The following ITCH variants were observed in gnomAD, a reference collection of about 807,000 sequenced individuals.
ITCH encodes the protein itchy E3 ubiquitin protein ligase, also known as E3 ubiquitin-protein ligase Itchy homolog.
ITCH carries 28 observed loss-of-function variants against 126.8 expected under a neutral mutation model. The ratio of observed to expected loss-of-function variants is 0.22; its 90% CI spans 0.16 to 0.30. ITCH has a LOEUF of 0.30. ITCH is among the 10% of genes least tolerant of loss of function. The probability of loss-of-function intolerance (pLI) is 1.00; values close to 1 mark genes in which losing one functional copy is unlikely to be tolerated. For missense variants in ITCH, 631 were observed against 1,032.4 expected (o/e 0.61, Z 5.33); for synonymous variants, 342 against 340.0 (o/e 1.01, Z -0.06).
Position 34,413,552 on chromosome 20 carries a change from C to T in ITCH, c.338-190C>T, listed in dbSNP as rs545782990. Among the ~76,000 whole-genome samples, 33 of 152,076 alleles carry T rather than the reference C, an allele frequency of 2.2e-4. No homozygotes were observed. In the South Asian group the frequency reaches 6.9e-3, roughly 32 times the overall value. Reference sequence around the variant, plus strand: ...ATATGAAACATTAGCATATTTTGTCCTTTTTAAAAGATACAGTGTTTTGGT... The same window carrying T: ...ATATGAAACATTAGCATATTTTGTCTTTTTTAAAAGATACAGTGTTTTGGT... On this transcript the variant is annotated intron_variant, in intron 5 of 24. Coordinates refer to ENST00000374864, the MANE Select transcript of ITCH (RefSeq NM_031483.7).
chr20:34,419,143 T>C (rs1363356796), intron 6 of ITCH, among the ~76,000 whole-genome samples: 1 of 152,200 alleles, frequency 6.6e-6, no homozygotes, highest in Non-Finnish European at 1.5e-5. Context: ...ATTGAGGCTA[T>C]GATATGGTCA....
intron 10 of ITCH, among the ~76,000 whole-genome samples, chr20:34,443,109 A>T (rs1462188878): frequency 6.6e-6 from 1 of 152,160 alleles, no homozygotes; most frequent in African/African-American, 2.4e-5. Flanking sequence ...GTCATATATT[A>T]AAATGAAGTT....
intron 10 of ITCH, among the ~76,000 whole-genome samples, chr20:34,443,503 CAA>C (rs757432354): frequency 1.4e-5 from 2 of 138,704 alleles, no homozygotes; most frequent in Admixed American, 7.3e-5. Flanking sequence ...AAGACTCCGT[CAA>C]AAAAAAAAAA....
rs754583869 is a variant in ITCH, at chr20:34,481,195, G to GGAAT, written c.2083_2086dup (p.Tyr696Ter). 1 of 1,613,406 alleles carries GGAAT rather than the reference G, an allele frequency of 6.2e-7. No individual in the cohort carries two copies. Among genetic ancestry groups the GGAAT allele is most frequent in the Admixed American group, 1.7e-5 (1 of 60,010 alleles). ...TTCTTGTAACAGAAGAAAATAAAGA[G>GGAAT]GAATACATCAGGTGAGAGTGCTCCT... On this transcript the variant is annotated frameshift_variant, in exon 20 of 25. Coordinates refer to ENST00000374864, the MANE Select transcript of ITCH (RefSeq NM_031483.7). LOFTEE classifies it high-confidence loss of function.
chr20:34,465,889 T>C (rs1433417346), intron 14 of ITCH, among the ~76,000 whole-genome samples: 2 of 152,086 alleles, frequency 1.3e-5, no homozygotes. Flanking sequence ...GGGTATCTTT[T>C]ATTTATTTAT....
intron 2 of ITCH, among the ~76,000 whole-genome samples, chr20:34,381,325 C>G (rs1039982364): frequency 1.3e-5 from 2 of 151,958 alleles, no homozygotes; most frequent in African/African-American, 4.8e-5. Context: ...TTCTGTTGCC[C>G]AGGCTGGAGT....
intron 2 of ITCH, among the ~76,000 whole-genome samples, chr20:34,384,525 C>T (rs868819665): frequency 1.3e-5 from 2 of 151,650 alleles, no homozygotes; most frequent in South Asian, 2.1e-4. Flanking sequence ...GTGATCCACC[C>T]GCCTCAGCTT....
intron 17 of ITCH, among the ~76,000 whole-genome samples, chr20:34,478,890 A>G (rs186928490): frequency 1.8e-4 from 28 of 152,324 alleles, no homozygotes; most frequent in African/African-American, 3.1e-4. Flanking sequence ...TAAACTAGCA[A>G]TATTAAAGTG....
chr20:34,396,140 T>A (rs2038667089), intron 3 of ITCH, among the ~76,000 whole-genome samples: 1 of 151,736 alleles, frequency 6.6e-6, no homozygotes, highest in Admixed American at 6.6e-5. Flanking sequence ...TTCAAGTGAT[T>A]CTCATGCCTC....
At chr20:34,468,601 G>T (rs1987319276) in intron 14 of ITCH, among the ~76,000 whole-genome samples, 1 of 151,694 alleles carries the variant, frequency 6.6e-6, no homozygotes, top group Non-Finnish European at 1.5e-5. Flanking sequence ...GACCAGCCTG[G>T]CCAACATGGC....
At position 34,383,809 on chromosome 20, in the gene ITCH, A is replaced by T. The variant is rs2038159819; in HGVS notation, c.-21-9982A>T. ...CTCCCAAAGTACCAGGATTACAGGC[A>T]TGAGCCACCAGGACTGGTCTGTAAT... On this transcript the variant is annotated intron_variant, in intron 2 of 24. Coordinates refer to ENST00000374864, the MANE Select transcript of ITCH (RefSeq NM_031483.7). Among the ~76,000 whole-genome samples, 3 of 147,404 alleles carry T rather than the reference A, an allele frequency of 2.0e-5. No homozygotes were observed. In the Admixed American group the frequency reaches 2.0e-4, roughly 10 times the overall value.
intron 16 of ITCH, among the ~76,000 whole-genome samples, chr20:34,474,743 G>C (rs1201023581): frequency 1.3e-5 from 2 of 151,710 alleles, no homozygotes; most frequent in Admixed American, 6.6e-5. Context: ...GGGGCGGCCG[G>C]GCAGAGGCAC....
chr20:34,488,270 T>C (rs954966871), intron 20 of ITCH, among the ~76,000 whole-genome samples: 1 of 152,128 alleles, frequency 6.6e-6, no homozygotes, highest in African/African-American at 2.4e-5. Context: ...TATGAAAACA[T>C]CTTTATTTCA....
At chr20:34,490,499 C>T (rs186701067) in intron 22 of ITCH, among the ~76,000 whole-genome samples, 26 of 152,062 alleles carry the variant, frequency 1.7e-4, no homozygotes, top group Admixed American at 1.4e-3. Context: ...TGAAATTAGC[C>T]GGGCATGGTG....
intron 24 of ITCH, 124 bp from the exon 25 acceptor site, chr20:34,507,571 G>A (rs962544693): frequency 1.1e-5 from 8 of 731,926 alleles, no homozygotes; most frequent in African/African-American, 1.1e-4. Flanking sequence ...TTTCTTGATG[G>A]TATCCTTTGA....
At chr20:34,435,700 A>C (rs1259350389) in intron 7 of ITCH, among the ~76,000 whole-genome samples, 3 of 152,206 alleles carry the variant, frequency 2.0e-5, no homozygotes, top group African/African-American at 7.2e-5. Context: ...AGAGAATAGT[A>C]GTGTAAAAAG....
chr20:34,378,366 C>A (rs1275043074), intron 2 of ITCH, among the ~76,000 whole-genome samples: 1 of 146,386 alleles, frequency 6.8e-6, no homozygotes, highest in Non-Finnish European at 1.5e-5. Context: ...CCCAGATACT[C>A]GGTGGGCTGA....
intron 6 of ITCH, chr20:34,417,050 C>T (rs1356162328): frequency 1.6e-5 from 9 of 568,036 alleles, no homozygotes; most frequent in Non-Finnish European, 2.0e-5. Context: ...GCTAGGATTA[C>T]AGGCATCTGC....
At chr20:34,469,890 A>T (rs1166443846) in intron 14 of ITCH, among the ~76,000 whole-genome samples, 158 bp from the exon 15 acceptor site, 1 of 152,222 alleles carries the variant, frequency 6.6e-6, no homozygotes, top group Admixed American at 6.5e-5. Flanking sequence ...TTCTTGGGGA[A>T]ATATCTCTCA....
Sources: gnomAD v4.1 joint callset for allele counts (sites outside exome capture counted in the v4.1 genomes callset) on GRCh38, gnomAD v4.1.1 for gene constraint, MANE v1.5 for transcripts, NCBI Gene and HGNC (gene_info 2026-07-23, HGNC 2026-07-21) for gene names.